GINS1: variants seen among roughly 807,000 people sequenced by gnomAD.
GINS1 encodes the protein DNA replication complex GINS protein PSF1.
In GINS1, 26 loss-of-function variants were observed where a neutral mutation model predicts 34.9. That is an observed-to-expected ratio of 0.74 (90% CI 0.55 to 1.03). The LOEUF is 1.03. Ranked by LOEUF, GINS1 falls within the 50% of genes least tolerant of loss-of-function variation. The probability of loss-of-function intolerance (pLI) is 0.00; values close to 1 mark genes in which losing one functional copy is unlikely to be tolerated. For missense variants in GINS1, 235 were observed against 237.9 expected (o/e 0.99, Z 0.08); for synonymous variants, 97 against 84.4 (o/e 1.15, Z -0.82).
chr20:25,442,338 A>ATCTATCTGTCTG (rs1426190911), intron 6 of GINS1, among the ~76,000 whole-genome samples: 11 of 149,308 alleles, frequency 7.4e-5, no homozygotes, highest in Non-Finnish European at 1.6e-4. Flanking sequence ...CTATCTATCT[A>ATCTATCTGTCTG]TCTGTCTGTC....
intron 1 of GINS1, among the ~76,000 whole-genome samples, chr20:25,412,423 TG>T (rs2090291857): frequency 6.6e-6 from 1 of 151,388 alleles, no homozygotes; most frequent in Admixed American, 6.6e-5. Context: ...GGCGTGGTGG[TG>T]GGCGCCTGTA....
intron 5 of GINS1, among the ~76,000 whole-genome samples, chr20:25,430,103 G>C (rs907466184): frequency 6.6e-6 from 1 of 152,182 alleles, no homozygotes; most frequent in Non-Finnish European, 1.5e-5. Context: ...ATTAGAGACA[G>C]GGTTTTACCA....
intron 5 of GINS1, among the ~76,000 whole-genome samples, chr20:25,435,803 A>C (rs1334926338): frequency 8.8e-6 from 1 of 114,128 alleles, no homozygotes; most frequent in Non-Finnish European, 1.7e-5. Context: ...CTTTTTGTAG[A>C]GTTACACTTT....
chr20:25,413,179 A>G (rs1479679855), intron 1 of GINS1, among the ~76,000 whole-genome samples: 2 of 151,970 alleles, frequency 1.3e-5, no homozygotes, highest in East Asian at 3.9e-4. Context: ...AGCCTCCTGA[A>G]TAGCTGGGAT....
chr20:25,439,512 A>C (rs2090471255), intron 5 of GINS1, among the ~76,000 whole-genome samples: 1 of 152,118 alleles, frequency 6.6e-6, no homozygotes, highest in African/African-American at 2.4e-5. Context: ...TTTTCAACAA[A>C]TAAAATACCA....
chr20:25,419,012 T>TA (rs2090338352), intron 4 of GINS1, among the ~76,000 whole-genome samples: 1 of 152,188 alleles, frequency 6.6e-6, no homozygotes, highest in South Asian at 2.1e-4. Flanking sequence ...GAGTAGCACA[T>TA]ACTCTCAGGG....
chr20:25,426,639 C>T (rs2090392591), intron 5 of GINS1, among the ~76,000 whole-genome samples: 1 of 151,880 alleles, frequency 6.6e-6, no homozygotes, highest in Non-Finnish European at 1.5e-5. Flanking sequence ...GATTCTCTGG[C>T]CTCAGCCTCC....
rs181552790 is a variant in GINS1 at position 25,432,385 on chromosome 20, C to G, written c.447+7058C>G. 1.2e-4 allele frequency among the ~76,000 whole-genome samples: 19 copies of G among 152,100 alleles called. No individual in the cohort carries two copies. In the East Asian group the frequency reaches 3.7e-3, roughly 29 times the overall value. On this transcript the variant is annotated intron_variant, in intron 5 of 6. Coordinates refer to ENST00000262460, the MANE Select transcript of GINS1 (RefSeq NM_021067.5). ...TGGCACAATCTCGGCTCACTGCAAC[C>G]TCCGCCTCCCGAGTTCAAATGATTC...
chr20:25,426,657 C>T (rs2090392803), intron 5 of GINS1, among the ~76,000 whole-genome samples: 1 of 151,674 alleles, frequency 6.6e-6, no homozygotes, highest in African/African-American at 2.4e-5. Flanking sequence ...TCCCAAACAG[C>T]TGGGATTACA....
chr20:25,414,639 G>A (rs2090308956), intron 2 of GINS1, among the ~76,000 whole-genome samples: 1 of 152,134 alleles, frequency 6.6e-6, no homozygotes, highest in South Asian at 2.1e-4. Flanking sequence ...GTTTGAGGCT[G>A]CAGTGAGCTA....
intron 6 of GINS1, 100 bp from the exon 7 acceptor site, chr20:25,445,823 A>G: frequency 1.3e-6 from 1 of 756,222 alleles, no homozygotes. Flanking sequence ...TTGGAGTTTG[A>G]AAACTAATCA....
chr20:25,421,192 AAAT>A (rs1459547662), intron 4 of GINS1, among the ~76,000 whole-genome samples: 2 of 152,230 alleles, frequency 1.3e-5, no homozygotes. Context: ...AATAAAAAGA[AAAT>A]AATAATAGTA....
Position 25,445,926 on chromosome 20 carries a change from T to C in GINS1, c.526T>C (p.Phe176Leu). 6.2e-7 allele frequency: 1 copy of C among 1,600,972 alleles called. No homozygotes were observed. The highest frequency in any genetic ancestry group is 8.6e-7 in the Non-Finnish European group (1 of 1,168,456). The change falls in exon 7 of 7, where the codon TTT becomes CTT. Residue 176 changes from phenylalanine to leucine, a missense_variant. Phe to Leu is a conservative substitution (Grantham distance 22). Transcript: ENST00000262460. ...CCATCCCTTCTTGTCCCCTCAGCAC[T>C]TTTTACCTCGATGGAAATGTGAGCA... is the stretch of plus-strand genomic sequence containing the variant. Reference protein sequence around the residue: ...SVLLKKNSQHFLPRWKCEQLI... With the variant: ...SVLLKKNSQHLLPRWKCEQLI...
rs776501245 is a variant in GINS1 at position 25,448,441 on chromosome 20, T to C, written c.*2450T>C. On this transcript the variant is annotated 3_prime_UTR_variant, in exon 7 of 7. Transcript: ENST00000262460. ...ACCACTTGTTGCTAGTAAATAGAAA[T>C]ACAATTGATGTTGAACTTGTATCCT... 2.6e-4 allele frequency: 40 copies of C among 152,244 alleles called. No homozygotes were observed. The highest frequency in any genetic ancestry group is 8.7e-4 in the African/African-American group (36 of 41,470). The allele number at this position is 152,244 out of a possible 1,614,324, so 9.4% of individuals were successfully genotyped here.
At chr20:25,434,721 A>G (rs946877492) in intron 5 of GINS1, among the ~76,000 whole-genome samples, 2 of 152,196 alleles carry the variant, frequency 1.3e-5, no homozygotes, top group Non-Finnish European at 2.9e-5. Context: ...TTGGGATTAT[A>G]GGCTTGAGCC....
At chr20:25,438,802 A>C (rs2090467519) in intron 5 of GINS1, among the ~76,000 whole-genome samples, 1 of 151,958 alleles carries the variant, frequency 6.6e-6, no homozygotes, top group Non-Finnish European at 1.5e-5. Context: ...TTGAACTCCT[A>C]AGCTCAAGCA....
chr20:25,419,387 G>A (rs1282748377), intron 4 of GINS1, among the ~76,000 whole-genome samples: 1 of 150,888 alleles, frequency 6.6e-6, no homozygotes, highest in East Asian at 1.9e-4. Context: ...ATTAGATTCT[G>A]CACATTTTTG....
intron 5 of GINS1, among the ~76,000 whole-genome samples, chr20:25,438,947 G>C (rs2090468296): frequency 6.6e-6 from 1 of 152,138 alleles, no homozygotes; most frequent in Non-Finnish European, 1.5e-5. Context: ...CATTTGAAAA[G>C]TGGCAAGTTA....
chr20:25,419,882 G>C (rs1240844453), intron 4 of GINS1: 1 of 157,818 alleles, frequency 6.3e-6, no homozygotes, highest in African/African-American at 2.4e-5. Context: ...GGCTGGTCTC[G>C]AACTCCTGAC....
Sources: gnomAD v4.1 joint callset for allele counts (sites outside exome capture counted in the v4.1 genomes callset) on GRCh38, gnomAD v4.1.1 for gene constraint, MANE v1.5 for transcripts, NCBI Gene and HGNC (gene_info 2026-07-23, HGNC 2026-07-21) for gene names.